NAV3: variants seen among roughly 807,000 people sequenced by gnomAD.
NAV3 encodes the protein pore membrane and/or filament interacting like protein 1.
A neutral mutation model predicts 244.7 loss-of-function variants in NAV3; 87 were observed. The ratio of observed to expected loss-of-function variants is 0.36; its 90% confidence interval spans 0.30 to 0.42. The LOEUF (loss-of-function observed/expected upper bound fraction) is 0.42, where lower values mean the gene tolerates loss of function less well. NAV3 is among the 20% of genes least tolerant of loss of function. NAV3 has a pLI of 1.00. For synonymous variants in NAV3, 1,126 were observed against 1,042.2 expected (o/e 1.08, Z -1.55); for missense variants, 2,663 against 2,893.3 (o/e 0.92, Z 1.83).
intron 3 of NAV3, among the ~76,000 whole-genome samples, chr12:77,943,833 A>G (rs1890090888): frequency 6.6e-6 from 1 of 152,200 alleles, no homozygotes; most frequent in South Asian, 2.1e-4. Flanking sequence ...GTCTGCTGCT[A>G]TTTTTAATCA....
In NAV3 at chr12:78,210,452, T is replaced by G. The variant is rs1487722471; in HGVS notation, c.7093T>G (p.Cys2365Gly). The G allele has an allele frequency of 6.2e-7, 1 of 1,613,686 alleles. No individual in the cohort carries two copies. Among genetic ancestry groups the G allele is most frequent in the Non-Finnish European group, 8.5e-7 (1 of 1,179,868 alleles). The part of the protein sequence containing the change: ...EAANYSSTQS[C>G]DSESTSHHED... Reference sequence around the variant, plus strand: ...AGCCAATTACTCGAGCACACAAAGCTGCGACAGCGAAAGCACCAGCCACCA... The same window carrying G: ...AGCCAATTACTCGAGCACACAAAGCGGCGACAGCGAAAGCACCAGCCACCA... The change falls in exon 40 of 40, where the codon TGC becomes GGC. Residue 2365 changes from cysteine (C) to glycine (G), a missense_variant. This residue lies in a region of NAV3 where 543 missense variants were observed against 672.4 expected (regional missense o/e 0.81). Coordinates refer to ENST00000397909, the MANE Select transcript of NAV3 (RefSeq NM_001024383.2).
intron 23 of NAV3, among the ~76,000 whole-genome samples, chr12:78,166,550 A>G (rs1425425743): frequency 2.0e-5 from 3 of 151,756 alleles, no homozygotes; most frequent in East Asian, 1.9e-4. Flanking sequence ...TATATAGCAT[A>G]TATATTTCTT....
intron 32 of NAV3, 124 bp from the exon 33 acceptor site, chr12:78,188,485 C>A: frequency 8.6e-7 from 1 of 1,165,426 alleles, no homozygotes; most frequent in Non-Finnish European, 1.2e-6. Flanking sequence ...TTGATATTAA[C>A]AGTTCTTATA....
intron 2 of NAV3, among the ~76,000 whole-genome samples, chr12:77,608,628 T>C (rs1870774416): frequency 6.6e-6 from 1 of 152,132 alleles, no homozygotes; most frequent in Non-Finnish European, 1.5e-5. Context: ...TCTAGGTCTA[T>C]AGCCTAATTT....
intron 2 of NAV3, among the ~76,000 whole-genome samples, chr12:77,770,357 T>A (rs1413180195): frequency 2.0e-5 from 3 of 152,156 alleles, no homozygotes; most frequent in African/African-American, 7.2e-5. Flanking sequence ...GTTAGAGACC[T>A]CCCAGAGGTT....
intron 2 of NAV3, among the ~76,000 whole-genome samples, chr12:77,824,241 A>ATTTTTTTTTTTTTTTTTTTTTTTTTT (rs61710960): frequency 9.5e-6 from 1 of 104,902 alleles, no homozygotes; most frequent in Non-Finnish European, 1.8e-5. Context: ...GCCCAACTAA[A>ATTTTTTTTTTTTTTTTTTTTTTTTTT]TTTTTTTTTT....
chr12:77,899,712 A>G (rs1885035335), intron 1 of NAV3, among the ~76,000 whole-genome samples: 1 of 152,232 alleles, frequency 6.6e-6, no homozygotes, highest in African/African-American at 2.4e-5. Flanking sequence ...CCTGTATCTA[A>G]ATAATAAAAT....
intron 2 of NAV3, among the ~76,000 whole-genome samples, chr12:77,741,167 G>GAAAAAAAAAAAAAAAA (rs1868327621): frequency 7.9e-5 from 6 of 76,066 alleles, no homozygotes; most frequent in African/African-American, 1.4e-4. Flanking sequence ...AAAAAAAAAA[G>GAAAAAAAAAAAAAAAA]AAAAGAAAGA....
chr12:78,151,052 G>T (rs1030688803), intron 22 of NAV3, among the ~76,000 whole-genome samples: 6 of 145,960 alleles, frequency 4.1e-5, no homozygotes, highest in African/African-American at 1.5e-4. Flanking sequence ...TTCCCTAGGG[G>T]AACAATCATT....
intron 1 of NAV3, among the ~76,000 whole-genome samples, chr12:77,918,170 G>C (rs1278603145): frequency 6.6e-6 from 1 of 152,022 alleles, no homozygotes; most frequent in Non-Finnish European, 1.5e-5. Context: ...CTTCCCTCTG[G>C]ACGCTGAGGA....
intron 24 of NAV3, among the ~76,000 whole-genome samples, chr12:78,172,507 G>GT (rs1958047284): frequency 6.6e-6 from 1 of 151,540 alleles, no homozygotes; most frequent in South Asian, 2.1e-4. Flanking sequence ...AGCTGAACAT[G>GT]TATACCCAAA....
intron 2 of NAV3, among the ~76,000 whole-genome samples, chr12:77,821,284 T>C (rs761259237): frequency 1.3e-5 from 2 of 152,162 alleles, no homozygotes; most frequent in Non-Finnish European, 2.9e-5. Flanking sequence ...CTGGAACTGA[T>C]TACAGGCAGC....
chr12:77,765,061 G>T (rs370082378), intron 2 of NAV3, among the ~76,000 whole-genome samples: 4 of 152,234 alleles, frequency 2.6e-5, no homozygotes, highest in Non-Finnish European at 5.9e-5. Context: ...TTGGAAAGGG[G>T]AAGTCCCCAG....
At chr12:77,891,648 C>G (rs1883952310) in intron 1 of NAV3, among the ~76,000 whole-genome samples, 2 of 152,170 alleles carry the variant, frequency 1.3e-5, no homozygotes, top group Admixed American at 1.3e-4. Context: ...TCATAGAAAT[C>G]ACAGACAGGG....
At chr12:77,883,901 C>G (rs2136647853) in intron 1 of NAV3, among the ~76,000 whole-genome samples, 1 of 152,144 alleles carries the variant, frequency 6.6e-6, no homozygotes, top group African/African-American at 2.4e-5. Flanking sequence ...TTGTATTTTC[C>G]TGACATTATT....
chr12:77,743,343 A>AT (rs1245646571), intron 2 of NAV3, among the ~76,000 whole-genome samples: 1 of 151,736 alleles, frequency 6.6e-6, no homozygotes, highest in Non-Finnish European at 1.5e-5. Flanking sequence ...TTATATGAGG[A>AT]TTTTTTCGAC....
chr12:77,966,374 TG>T, intron 4 of NAV3, 73 bp downstream of exon 4: 1 of 1,300,826 alleles, frequency 7.7e-7, no homozygotes, highest in Non-Finnish European at 1.1e-6. Flanking sequence ...ATGTAAGAAA[TG>T]TAACATTGGA....
chr12:77,907,023 A>T (rs1002732285), intron 1 of NAV3, among the ~76,000 whole-genome samples: 3 of 152,112 alleles, frequency 2.0e-5, no homozygotes, highest in Admixed American at 6.6e-5. Flanking sequence ...AGACTCCATT[A>T]TCTCTACTTT....
At chr12:77,810,464 C>A (rs1353881581) in intron 2 of NAV3, among the ~76,000 whole-genome samples, 2 of 152,152 alleles carry the variant, frequency 1.3e-5, no homozygotes, top group African/African-American at 4.8e-5. Context: ...AGCCACAGCG[C>A]CTGACCCCCA....
Sources: allele counts gnomAD v4.1 joint callset (sites outside exome capture counted in the v4.1 genomes callset), GRCh38; gene constraint gnomAD v4.1.1; regional missense constraint gnomAD v4.1.1; transcripts MANE v1.5; gene names NCBI Gene and HGNC (gene_info 2026-07-23, HGNC 2026-07-21).